The following TENM3 variants were observed in gnomAD, a reference collection of about 807,000 sequenced individuals.
TENM3 encodes teneurin-3.
A neutral mutation model predicts 255.1 loss-of-function variants in TENM3; 63 were observed. That is an observed-to-expected ratio of 0.25 (90% CI 0.20 to 0.30). The LOEUF (loss-of-function observed/expected upper bound fraction) is 0.30, where lower values mean the gene tolerates loss of function less well. TENM3 is among the 10% of genes least tolerant of loss of function. The pLI, the probability that TENM3 is intolerant of heterozygous loss-of-function variation, is 1.00. For synonymous variants in TENM3, 1,306 were observed against 1,322.3 expected, an observed-to-expected ratio of 0.99 and a Z score of 0.27; for missense variants, 2,929 against 3,461.1, an observed-to-expected ratio of 0.85 and a Z score of 3.86.
chr4:182,650,889 A>AAAAAAAATATAT (rs1281790163), intron 5 of TENM3, among the ~76,000 whole-genome samples: 6 of 29,752 alleles, frequency 2.0e-4, no homozygotes, highest in East Asian at 7.8e-4. Context: ...AATAAAAAAA[A>AAAAAAAATATAT]ATATATATAT....
intron 3 of TENM3, among the ~76,000 whole-genome samples, chr4:182,483,500 C>T (rs776505041): frequency 6.6e-6 from 1 of 152,058 alleles, no homozygotes; most frequent in Non-Finnish European, 1.5e-5. Flanking sequence ...TGTGATTTAA[C>T]CATTGTTTCT....
chr4:182,250,988 C>CTA (rs1326875092), intron 1 of TENM3, among the ~76,000 whole-genome samples: 2 of 152,162 alleles, frequency 1.3e-5, no homozygotes, highest in African/African-American at 4.8e-5. Context: ...TCTAAAGGCT[C>CTA]TAAACAGTGA....
the TENM3 span, among the ~76,000 whole-genome samples, chr4:182,042,898 TG>T: frequency 6.6e-6 from 1 of 152,020 alleles, no homozygotes; most frequent in Non-Finnish European, 1.5e-5. Context: ...TGTGTGTGTG[TG>T]TGTGTGTGTA....
chr4:181,506,004 G>T, the TENM3 span, among the ~76,000 whole-genome samples: 3 of 152,114 alleles, frequency 2.0e-5, no homozygotes, highest in African/African-American at 7.2e-5. Context: ...GAAGCAGAAT[G>T]AATAGATTGA....
At chr4:181,774,810 G>A in the TENM3 span, among the ~76,000 whole-genome samples, 1 of 103,400 alleles carries the variant, frequency 9.7e-6, no homozygotes, top group African/African-American at 4.5e-5. Context: ...CTGCATAAAT[G>A]TCTTCTTTTG....
At chr4:181,640,733 T>C in the TENM3 span, among the ~76,000 whole-genome samples, 3 of 152,162 alleles carry the variant, frequency 2.0e-5, no homozygotes, top group Admixed American at 1.3e-4. Context: ...ATGGGAACTA[T>C]AGGAGGTGAT....
At chr4:181,829,153 C>G in the TENM3 span, among the ~76,000 whole-genome samples, 1 of 152,298 alleles carries the variant, frequency 6.6e-6, no homozygotes, top group African/African-American at 2.4e-5. Flanking sequence ...TTAAATTGTT[C>G]ACTAAAATTA....
At chr4:182,674,093 A>G (rs1046839050) in intron 7 of TENM3, among the ~76,000 whole-genome samples, 3 of 152,234 alleles carry the variant, frequency 2.0e-5, no homozygotes, top group African/African-American at 7.2e-5. Flanking sequence ...GTAAGAGTTG[A>G]TTCATTAAAA....
In TENM3 at chr4:182,792,905, C is replaced by T. The variant is rs767821436; in HGVS notation, c.6233C>T (p.Thr2078Met). 5.6e-6 allele frequency: 9 copies of T among 1,613,738 alleles called. No homozygotes were observed. Among genetic ancestry groups the T allele is most frequent in the Non-Finnish European group, 7.6e-6 (9 of 1,179,824 alleles). The change falls in exon 26 of 28, where the codon ACG (threonine) becomes ATG (methionine). Residue 2078 changes from threonine (T) to methionine (M), a missense_variant. Physicochemically the swap from Thr to Met is moderately conservative, Grantham distance 81. Transcript: ENST00000511685. This position sits in a 1 kb window ranked among gnomAD's most constrained non-coding sequence, Gnocchi z 6.3. ...QIISTAVMTY[T>M]KHFDAHGRIK... Reference sequence around the variant, plus strand: ...ATTTCTACAGCTGTAATGACCTATACGAAGCACTTTGATGCTCATGGCCGT... The same window carrying T: ...ATTTCTACAGCTGTAATGACCTATATGAAGCACTTTGATGCTCATGGCCGT...
chr4:182,565,086 A>G (rs528175281), intron 3 of TENM3, among the ~76,000 whole-genome samples: 7 of 152,324 alleles, frequency 4.6e-5, no homozygotes, highest in Admixed American at 3.9e-4. Context: ...ATACAGCTTT[A>G]TTAATATGTT....
chr4:181,787,193 G>C, the TENM3 span, among the ~76,000 whole-genome samples: 7 of 152,098 alleles, frequency 4.6e-5, no homozygotes, highest in Non-Finnish European at 8.8e-5. Context: ...ACAATAAGAC[G>C]AGCATCAATC....
At chr4:182,717,501 T>C (rs1759300542) in intron 13 of TENM3, among the ~76,000 whole-genome samples, 1 of 152,178 alleles carries the variant, frequency 6.6e-6, no homozygotes, top group Admixed American at 6.5e-5. Flanking sequence ...CTCCACTCTC[T>C]ATGAAATCAG....
At chr4:182,081,471 C>T in the TENM3 span, among the ~76,000 whole-genome samples, 1 of 151,510 alleles carries the variant, frequency 6.6e-6, no homozygotes, top group African/African-American at 2.4e-5. Context: ...GTAGTCCCAG[C>T]TACTCGGGAG....
chr4:182,635,568 T>C (rs1751771252), intron 5 of TENM3, among the ~76,000 whole-genome samples: 1 of 152,242 alleles, frequency 6.6e-6, no homozygotes, highest in Non-Finnish European at 1.5e-5. Context: ...GTTTTTCTTA[T>C]GAGCTCCTGA....
At chr4:182,280,229 C>T (rs928208155) in intron 1 of TENM3, among the ~76,000 whole-genome samples, 2 of 152,282 alleles carry the variant, frequency 1.3e-5, no homozygotes, top group East Asian at 1.9e-4. Context: ...TCTCAGTTTC[C>T]CCCACGGGGT....
chr4:181,607,638 C>A, the TENM3 span, among the ~76,000 whole-genome samples: 10 of 151,892 alleles, frequency 6.6e-5, no homozygotes, highest in African/African-American at 1.9e-4. Flanking sequence ...CTCCTGACCT[C>A]GTGATCTGCC....
chr4:182,436,481 G>A (rs1394427107), intron 3 of TENM3, among the ~76,000 whole-genome samples: 2 of 152,128 alleles, frequency 1.3e-5, no homozygotes. Context: ...CTGGTGATGC[G>A]CTCTAACGTG....
At chr4:181,894,047 G>C in the TENM3 span, among the ~76,000 whole-genome samples, 1 of 151,646 alleles carries the variant, frequency 6.6e-6, no homozygotes, top group Non-Finnish European at 1.5e-5. Flanking sequence ...AAAAAAATGA[G>C]TTCTAGCAGG....
the TENM3 span, among the ~76,000 whole-genome samples, chr4:181,862,747 C>T: frequency 3.4e-3 from 510 of 152,168 alleles, 1 homozygote; most frequent in African/African-American, 0.012. Flanking sequence ...CTTCTATTAT[C>T]GTTCCTCAAT....
Sources: allele counts gnomAD v4.1 joint callset (sites outside exome capture counted in the v4.1 genomes callset), GRCh38; gene constraint gnomAD v4.1.1; non-coding constraint Gnocchi (gnomAD v3.1); transcripts MANE v1.5; gene names NCBI Gene and HGNC (gene_info 2026-07-23, HGNC 2026-07-21).